Variants in LRBA observed in about 807,000 individuals in gnomAD.
LRBA encodes the protein LPS responsive beige-like anchor protein.
In LRBA, 176 loss-of-function variants were observed where a neutral mutation model predicts 330.0. The observed-to-expected ratio is 0.53, with a 90% CI of 0.47 to 0.60. LRBA has a LOEUF of 0.60. Ranked by LOEUF, LRBA falls within the 20% of genes least tolerant of loss-of-function variation. The probability of loss-of-function intolerance (pLI) is 0.00; values close to 1 mark genes in which losing one functional copy is unlikely to be tolerated. For synonymous variants in LRBA, 1,230 were observed against 1,193.0 expected, an observed-to-expected ratio of 1.03 and a Z score of -0.64; for missense variants, 3,259 against 3,444.8, an observed-to-expected ratio of 0.95 and a Z score of 1.35.
intron 37 of LRBA, among the ~76,000 whole-genome samples, chr4:150,628,312 G>A (rs907370818): frequency 6.6e-6 from 1 of 151,978 alleles, no homozygotes; most frequent in African/African-American, 2.4e-5. Flanking sequence ...AGATCCAATC[G>A]GGTATAGAGA....
At chr4:150,703,611 CAAG>C (rs2127005346) in intron 36 of LRBA, among the ~76,000 whole-genome samples, 1 of 152,098 alleles carries the variant, frequency 6.6e-6, no homozygotes, top group East Asian at 1.9e-4. Context: ...ACAAGTTGTC[CAAG>C]AAGAATATAA....
At chr4:150,648,327 T>G (rs1031282649) in intron 37 of LRBA, among the ~76,000 whole-genome samples, 1 of 151,882 alleles carries the variant, frequency 6.6e-6, no homozygotes, top group African/African-American at 2.4e-5. Flanking sequence ...CAGAGCAGTT[T>G]CTGGCAGACA....
intron 40 of LRBA, among the ~76,000 whole-genome samples, chr4:150,557,326 G>A (rs900548806): frequency 3.9e-5 from 6 of 152,170 alleles, no homozygotes; most frequent in African/African-American, 1.4e-4. Context: ...GGGGAATGCA[G>A]AAGTGTATAA....
intron 53 of LRBA, among the ~76,000 whole-genome samples, chr4:150,294,886 G>A (rs1728773244): frequency 6.6e-6 from 1 of 152,090 alleles, no homozygotes; most frequent in Admixed American, 6.5e-5. Context: ...GGGAGGTGGA[G>A]GTTGCAGTGA....
intron 52 of LRBA, among the ~76,000 whole-genome samples, chr4:150,304,741 T>A (rs933022503): frequency 2.6e-5 from 4 of 152,214 alleles, no homozygotes; most frequent in South Asian, 4.1e-4. Flanking sequence ...CCAATTTACA[T>A]GACAAACAGA....
chr4:150,465,664 G>A (rs1198888625), intron 44 of LRBA, among the ~76,000 whole-genome samples: 1 of 152,052 alleles, frequency 6.6e-6, no homozygotes, highest in East Asian at 1.9e-4. Flanking sequence ...TTGGAGAAAT[G>A]TCTATCAGGT....
At chr4:150,929,664 A>G (rs1734246090) in intron 2 of LRBA, among the ~76,000 whole-genome samples, 1 of 152,212 alleles carries the variant, frequency 6.6e-6, no homozygotes, top group South Asian at 2.1e-4. Flanking sequence ...CTATAGCTAT[A>G]CAGGCCTTGT....
intron 16 of LRBA, among the ~76,000 whole-genome samples, chr4:150,894,780 A>C (rs1005607641): frequency 6.6e-6 from 1 of 152,220 alleles, no homozygotes; most frequent in Non-Finnish European, 1.5e-5. Context: ...TATCTCATAT[A>C]AAGTACTTTA....
At chr4:150,591,502 G>A (rs1440229785) in intron 38 of LRBA, among the ~76,000 whole-genome samples, 6 of 151,940 alleles carry the variant, frequency 3.9e-5, no homozygotes, top group Admixed American at 6.6e-5. Flanking sequence ...TCACTCCTCC[G>A]CCCTTTTGTC....
rs779468544 is a variant in LRBA at position 150,871,420 on chromosome 4, C to T, written c.2292G>A (p.Leu764=). The change falls in exon 19 of 57, where the codon TTG becomes TTA. Residue 764 remains leucine (L), a synonymous_variant. Coordinates refer to ENST00000651943, the MANE Select transcript of LRBA (RefSeq NM_001364905.1). The part of the protein sequence containing the change: ...RKAEVMLGHG[L]FSLLAERLML... Reference sequence around the variant, plus strand: ...TGAGCCTTTCAGCTAGCAATGAAAACAATCCATGTCCAAGCATGACTTCTG... The same window carrying T: ...TGAGCCTTTCAGCTAGCAATGAAAATAATCCATGTCCAAGCATGACTTCTG... The T allele has an allele frequency of 2.0e-5, 33 of 1,611,752 alleles. 1 individual carries two copies. In the South Asian group the frequency reaches 3.4e-4, roughly 17 times the overall value.
At chr4:150,537,208 C>T (rs1262866228) in intron 40 of LRBA, among the ~76,000 whole-genome samples, 3 of 152,188 alleles carry the variant, frequency 2.0e-5, no homozygotes, top group Non-Finnish European at 4.4e-5. Context: ...AAAAAGTTGA[C>T]AAAGATAAGC....
chr4:150,854,893 A>G (rs1408740784), intron 22 of LRBA, among the ~76,000 whole-genome samples: 2 of 152,220 alleles, frequency 1.3e-5, no homozygotes. Flanking sequence ...ACTGTATTAA[A>G]GACTGTATTT....
intron 4 of LRBA, among the ~76,000 whole-genome samples, chr4:150,924,986 A>G (rs1733730075): frequency 6.6e-6 from 1 of 151,978 alleles, no homozygotes; most frequent in South Asian, 2.1e-4. Context: ...CTTGGACAAC[A>G]TGGCAAAACC....
chr4:150,737,879 C>T (rs867620055), intron 35 of LRBA, among the ~76,000 whole-genome samples: 1 of 152,058 alleles, frequency 6.6e-6, no homozygotes. Flanking sequence ...AAATCATTAG[C>T]TTTCCCAAAT....
intron 37 of LRBA, among the ~76,000 whole-genome samples, chr4:150,621,578 A>C (rs1297876833): frequency 6.6e-6 from 1 of 152,176 alleles, no homozygotes; most frequent in Non-Finnish European, 1.5e-5. Flanking sequence ...CTTTTCAATA[A>C]AATAAATGAG....
chr4:150,596,774 C>T (rs922249075), intron 38 of LRBA, among the ~76,000 whole-genome samples: 1 of 151,500 alleles, frequency 6.6e-6, no homozygotes, highest in Non-Finnish European at 1.5e-5. Flanking sequence ...AAATTAAGCT[C>T]TTTGTTTACA....
intron 2 of LRBA, among the ~76,000 whole-genome samples, chr4:150,939,056 A>G (rs1434761463): frequency 1.3e-5 from 2 of 152,156 alleles, no homozygotes; most frequent in East Asian, 3.9e-4. Flanking sequence ...TGCCCTGGTA[A>G]GTTGAGAAAC....
chr4:150,720,744 T>G (rs1728824717), intron 36 of LRBA, among the ~76,000 whole-genome samples: 2 of 152,162 alleles, frequency 1.3e-5, no homozygotes, highest in Non-Finnish European at 2.9e-5. Context: ...AACAAGAAAC[T>G]ATGTCCCAGG....
At chr4:150,708,497 T>C (rs1399008511) in intron 36 of LRBA, among the ~76,000 whole-genome samples, 1 of 151,822 alleles carries the variant, frequency 6.6e-6, no homozygotes, top group Non-Finnish European at 1.5e-5. Flanking sequence ...ATAAAAGACT[T>C]AATGAATAAT....
Sources: gnomAD v4.1 joint callset for allele counts (sites outside exome capture counted in the v4.1 genomes callset) on GRCh38, gnomAD v4.1.1 for gene constraint, MANE v1.5 for transcripts, NCBI Gene and HGNC (gene_info 2026-07-23, HGNC 2026-07-21) for gene names.